Variants in ZNF273 observed in about 807,000 individuals in gnomAD.
ZNF273 encodes the protein zinc finger protein 273.
ZNF273 carries 11 observed loss-of-function variants against 14.9 expected under a neutral mutation model. The observed-to-expected ratio is 0.74, with a 90% CI of 0.46 to 1.22. ZNF273 has a LOEUF of 1.22. Ranked by LOEUF, ZNF273 falls within the 50% of genes most tolerant of loss-of-function variation. ZNF273 has a pLI of 0.00. For missense variants in ZNF273, 577 were observed against 660.6 expected, an observed-to-expected ratio of 0.87 and a Z score of 1.39; for synonymous variants, 199 against 223.9, an observed-to-expected ratio of 0.89 and a Z score of 0.99.
chr7:64,899,154 A>G (rs1792536153), upstream of ZNF273, among the ~76,000 whole-genome samples: 1 of 152,260 alleles, frequency 6.6e-6, no homozygotes, highest in Non-Finnish European at 1.5e-5. Context: ...TTAAATTTCA[A>G]AAGGTCCAAA....
downstream of ZNF273, among the ~76,000 whole-genome samples, chr7:64,931,253 A>G (rs1005192697): frequency 6.6e-6 from 1 of 152,156 alleles, no homozygotes; most frequent in Non-Finnish European, 1.5e-5. Flanking sequence ...AAAAATGCTG[A>G]AAGCAAATCT....
At chr7:64,908,441 C>G (rs973237784) in intron 1 of ZNF273, among the ~76,000 whole-genome samples, 3 of 152,128 alleles carry the variant, frequency 2.0e-5, no homozygotes, top group African/African-American at 7.2e-5. Flanking sequence ...TGTTGTTCCC[C>G]GCTTTGAGTC....
At chr7:64,932,244 T>C (rs907798255), downstream of ZNF273, among the ~76,000 whole-genome samples, 2 of 151,724 alleles carry the variant, frequency 1.3e-5, no homozygotes, top group Admixed American at 6.6e-5. Context: ...AAAAAATATC[T>C]TACTAGATTC....
chr7:64,919,290 A>G (rs1262310533), intron 3 of ZNF273, among the ~76,000 whole-genome samples: 1 of 152,142 alleles, frequency 6.6e-6, no homozygotes, highest in Non-Finnish European at 1.5e-5. Flanking sequence ...TATTCTTTGA[A>G]TCCATATACG....
chr7:64,888,035 C>G (rs1390001728), intron 1 of ZNF273, among the ~76,000 whole-genome samples: 1 of 152,148 alleles, frequency 6.6e-6, no homozygotes, highest in Non-Finnish European at 1.5e-5. Context: ...AGTCCCAGCC[C>G]CAATGCTGGC....
chr7:64,915,243 C>G (rs1308917531), intron 1 of ZNF273, among the ~76,000 whole-genome samples: 2 of 151,868 alleles, frequency 1.3e-5, no homozygotes, highest in Admixed American at 1.3e-4. Flanking sequence ...ACTCAACATT[C>G]CTATTGGGGA....
At chr7:64,936,311 A>C in the ZNF273 span, among the ~76,000 whole-genome samples, 9 of 152,334 alleles carry the variant, frequency 5.9e-5, no homozygotes, top group African/African-American at 2.2e-4. Flanking sequence ...TAGTCATGCA[A>C]ATCACAGCCC....
At chr7:64,892,796 G>T (rs1016016433), downstream of ZNF273, among the ~76,000 whole-genome samples, 2 of 152,186 alleles carry the variant, frequency 1.3e-5, no homozygotes, top group African/African-American at 4.8e-5. Flanking sequence ...TGAAAAATTG[G>T]TTAGAGGTAT....
chr7:64,930,535 C>T lies in ZNF273; in HGVS notation c.*1497C>T. 6.6e-6 allele frequency: 1 copy of T among 152,124 alleles called. No homozygotes were observed. The highest frequency in any genetic ancestry group is 1.9e-4 in the East Asian group (1 of 5,200). 9.4% of individuals were successfully genotyped at this position (152,124 alleles called of 1,614,324 possible). On this transcript the variant is annotated 3_prime_UTR_variant, in exon 4 of 4. Coordinates refer to ENST00000476120, the MANE Select transcript of ZNF273 (RefSeq NM_021148.3). ...TTAAACATGTTTTAACATGTTAAGA[C>T]TTGTGCATTCAGTGAAGCGTTATTA...
chr7:64,894,266 A>G (rs1171329552), downstream of ZNF273, among the ~76,000 whole-genome samples: 3 of 152,116 alleles, frequency 2.0e-5, no homozygotes, highest in East Asian at 1.9e-4. Context: ...CGGCCTCCCA[A>G]TGTGCCGGGA....
chr7:64,904,386 G>A (rs1216728596), intron 1 of ZNF273, among the ~76,000 whole-genome samples: 1 of 152,136 alleles, frequency 6.6e-6, no homozygotes, highest in African/African-American at 2.4e-5. Context: ...CACCGCGCCC[G>A]GCCAATTTGA....
downstream of ZNF273, among the ~76,000 whole-genome samples, chr7:64,894,313 G>GT (rs34604262): frequency 0.41 from 62,902 of 151,918 alleles, 13,230 homozygotes; most frequent in South Asian, 0.45. Flanking sequence ...CCAATCATTT[G>GT]TTTTTTTAAA....
At position 64,918,225 on chromosome 7, in the gene ZNF273, C is replaced by A; in HGVS notation, c.258C>A (p.Ile86=). ...LGIAVSKPDL[I]TCLEQGKEPC... is the part of the protein sequence containing the mutation. ...TTGCTGTCTCTAAGCCAGACCTGAT[C>A]ACTTGTCTGGAGCAAGGAAAAGAGC... is the stretch of plus-strand genomic sequence containing the variant. Residue 86 remains isoleucine, a synonymous_variant, in exon 3 of 4, where the codon ATC becomes ATA. Transcript: ENST00000476120. 1 of 1,568,424 alleles carries A rather than the reference C, an allele frequency of 6.4e-7. No individual in the cohort carries two copies. The highest frequency in any genetic ancestry group is 2.4e-5 in the East Asian group (1 of 41,668).
upstream of ZNF273, among the ~76,000 whole-genome samples, chr7:64,903,038 T>C (rs1792828235): frequency 6.6e-6 from 1 of 152,204 alleles, no homozygotes; most frequent in Admixed American, 6.5e-5. Flanking sequence ...TAAATGCAAA[T>C]ACCCCGTGGG....
At chr7:64,895,881 G>T (rs1347037281) in intron 3 of ZNF273, among the ~76,000 whole-genome samples, 1 of 152,132 alleles carries the variant, frequency 6.6e-6, no homozygotes, top group African/African-American at 2.4e-5. Flanking sequence ...AGGAAAAATT[G>T]AAAGGCAGTG....
At chr7:64,879,634 A>C (rs914764498) in exon 3 of ZNF273, 1 of 152,320 alleles carries the variant, frequency 6.6e-6, no homozygotes, top group African/African-American at 2.4e-5. Flanking sequence ...GAAGGAAGAC[A>C]GTGAGCTTAA....
At chr7:64,909,161 A>ACAGG (rs1170549731) in intron 1 of ZNF273, among the ~76,000 whole-genome samples, 1 of 151,536 alleles carries the variant, frequency 6.6e-6, no homozygotes, top group Non-Finnish European at 1.5e-5. Flanking sequence ...AGGCAATCCA[A>ACAGG]CTGCCTTGGC....
intron 3 of ZNF273, chr7:64,924,364 T>TC (rs1794668228): frequency 6.6e-6 from 1 of 152,224 alleles, no homozygotes. Flanking sequence ...GGTCCTCTGT[T>TC]CTCTTACTAA....
At chr7:64,918,391 G>A (rs1794163383) in intron 3 of ZNF273, 99 bp downstream of exon 3, 13 of 1,214,408 alleles carry the variant, frequency 1.1e-5, no homozygotes, top group South Asian at 4.4e-5. Context: ...GGCCAGGCGC[G>A]GTGGCTCACG....
Sources: gnomAD v4.1 joint callset for allele counts (sites outside exome capture counted in the v4.1 genomes callset) on GRCh38, gnomAD v4.1.1 for gene constraint, MANE v1.5 for transcripts, NCBI Gene and HGNC (gene_info 2026-07-23, HGNC 2026-07-21) for gene names.